LMO1: variants seen among roughly 807,000 people sequenced by gnomAD.
LMO1 encodes rhombotin-1.
In LMO1, 10 loss-of-function variants were observed where a neutral mutation model predicts 18.0. The observed-to-expected ratio is 0.55, with a 90% CI of 0.34 to 0.94. The LOEUF (loss-of-function observed/expected upper bound fraction) is 0.94. Ranked by LOEUF, LMO1 falls within the 40% of genes least tolerant of loss-of-function variation. The probability of loss-of-function intolerance (pLI) is 0.02; values close to 1 mark genes in which losing one functional copy is unlikely to be tolerated. For missense variants in LMO1, 183 were observed against 205.7 expected (o/e 0.89, Z 0.68); for synonymous variants, 77 against 77.9 (o/e 0.99, Z 0.06).
chr11:8,250,744 T>C (rs2134567997), intron 1 of LMO1, among the ~76,000 whole-genome samples: 1 of 152,346 alleles, frequency 6.6e-6, no homozygotes, highest in South Asian at 2.1e-4. Context: ...ATGCAGCCTC[T>C]GCTGGGCACA....
chr11:8,228,980 T>C (rs1288833369), intron 2 of LMO1, among the ~76,000 whole-genome samples: 1 of 152,056 alleles, frequency 6.6e-6, no homozygotes, highest in African/African-American at 2.4e-5. Flanking sequence ...CTCAAACATC[T>C]GGGCTCAAGC....
intron 3 of LMO1, among the ~76,000 whole-genome samples, chr11:8,225,705 T>TAA (rs376885786): frequency 1.3e-3 from 194 of 152,258 alleles, no homozygotes; most frequent in African/African-American, 4.2e-3. Context: ...AAGCCTTTAG[T>TAA]GAGACCCCAA....
chr11:8,240,743 C>T (rs1364354096), intron 1 of LMO1, among the ~76,000 whole-genome samples: 1 of 152,130 alleles, frequency 6.6e-6, no homozygotes, highest in African/African-American at 2.4e-5. Flanking sequence ...ACGGCCCCAT[C>T]TCCTAACACT....
chr11:8,263,504 A>G lies in LMO1; in HGVS notation c.-142T>C. ...TTGTCCGGCTCTTAACCTAGATTGCACTCAGCTAGAATTACATTCAGGAGT... is the reference window on the plus strand; with the variant it reads ...TTGTCCGGCTCTTAACCTAGATTGCGCTCAGCTAGAATTACATTCAGGAGT... On this transcript the variant is annotated 5_prime_UTR_variant, in exon 1 of 4. Coordinates refer to ENST00000335790, the MANE Select transcript of LMO1 (RefSeq NM_002315.3). 3 of 1,449,520 alleles carry G rather than the reference A, an allele frequency of 2.1e-6. No individual in the cohort carries two copies. The highest frequency in any genetic ancestry group is 1.4e-5 in the South Asian group (1 of 70,514). The allele number at this position is 1,449,520 out of a possible 1,614,324, so 89.8% of individuals were successfully genotyped here. A position where few individuals can be genotyped will look rare whatever the true frequency, so the allele number is the denominator to read the frequency against.
chr11:8,249,891 G>T (rs1167104949), intron 1 of LMO1, among the ~76,000 whole-genome samples: 2 of 152,164 alleles, frequency 1.3e-5, no homozygotes, highest in African/African-American at 2.4e-5. Context: ...ACCAGCAGGG[G>T]CTAGCCCTTA....
chr11:8,265,610 C>A (rs920113900), upstream of LMO1, among the ~76,000 whole-genome samples: 19 of 152,190 alleles, frequency 1.2e-4, no homozygotes, highest in African/African-American at 4.6e-4. Flanking sequence ...TCACCAGCCT[C>A]AGGACTGCGA....
chr11:8,239,518 G>T (rs1309889528), intron 1 of LMO1, among the ~76,000 whole-genome samples: 1 of 152,144 alleles, frequency 6.6e-6, no homozygotes. Flanking sequence ...CTTTGAGAAG[G>T]ACAAAGAAGC....
intron 1 of LMO1, among the ~76,000 whole-genome samples, chr11:8,247,127 T>C (rs1366517069): frequency 1.3e-5 from 2 of 152,250 alleles, no homozygotes; most frequent in Non-Finnish European, 2.9e-5. Context: ...TCAAGGACTA[T>C]GCCCTACCTG....
intron 1 of LMO1, among the ~76,000 whole-genome samples, chr11:8,231,404 A>C (rs1024328847): frequency 9.2e-5 from 14 of 152,204 alleles, no homozygotes; most frequent in Non-Finnish European, 1.8e-4. Context: ...GTGGGCATGA[A>C]GTGACAGAGG....
chr11:8,253,978 T>C (rs750522649), intron 1 of LMO1, among the ~76,000 whole-genome samples: 1 of 152,282 alleles, frequency 6.6e-6, no homozygotes, highest in Non-Finnish European at 1.5e-5. Context: ...AATATTTTGC[T>C]AAACCAAAGT....
intron 1 of LMO1, among the ~76,000 whole-genome samples, chr11:8,254,947 A>G (rs762079045): frequency 6.6e-6 from 1 of 152,196 alleles, no homozygotes; most frequent in Non-Finnish European, 1.5e-5. Context: ...GGGTAATAGT[A>G]GCTTCTTCCT....
chr11:8,235,110 C>T (rs1952739595), intron 1 of LMO1, among the ~76,000 whole-genome samples: 1 of 151,942 alleles, frequency 6.6e-6, no homozygotes, highest in Non-Finnish European at 1.5e-5. Flanking sequence ...GTGCCCAGGG[C>T]ACAGTGAACA....
intron 2 of LMO1, among the ~76,000 whole-genome samples, 189 bp downstream of exon 2, chr11:8,230,102 C>T (rs543062881): frequency 2.0e-5 from 3 of 152,322 alleles, no homozygotes; most frequent in South Asian, 2.1e-4. Flanking sequence ...AAGGGCATAA[C>T]GACCTGGGCC....
chr11:8,226,754 C>T, intron 3 of LMO1: 6 of 735,206 alleles, frequency 8.2e-6, no homozygotes, highest in East Asian at 6.1e-5. Context: ...ATGTGCCACA[C>T]AGATGTGCAC....
At chr11:8,266,235 G>A (rs1238214900), upstream of LMO1, among the ~76,000 whole-genome samples, 1 of 152,190 alleles carries the variant, frequency 6.6e-6, no homozygotes, top group Non-Finnish European at 1.5e-5. Context: ...TGGAGGGTTT[G>A]GGTGGCTTGA....
At chr11:8,224,985 T>G (rs1952507264) in intron 3 of LMO1, among the ~76,000 whole-genome samples, 1 of 152,068 alleles carries the variant, frequency 6.6e-6, no homozygotes, top group Admixed American at 6.5e-5. Context: ...GCTTCCATAG[T>G]CAGGTCTCCT....
intron 1 of LMO1, among the ~76,000 whole-genome samples, chr11:8,256,329 G>A (rs950339364): frequency 3.9e-5 from 6 of 152,230 alleles, no homozygotes; most frequent in African/African-American, 7.2e-5. Flanking sequence ...TTGTAGGGAT[G>A]AGAAAACTGA....
At chr11:8,233,287 C>A (rs1952702076) in intron 1 of LMO1, among the ~76,000 whole-genome samples, 1 of 152,192 alleles carries the variant, frequency 6.6e-6, no homozygotes, top group African/African-American at 2.4e-5. Context: ...ACGAGAAAGG[C>A]TGGCATCCTG....
At chr11:8,237,918 G>A (rs1952789824) in intron 1 of LMO1, among the ~76,000 whole-genome samples, 1 of 152,244 alleles carries the variant, frequency 6.6e-6, no homozygotes, top group African/African-American at 2.4e-5. Context: ...CCTGCTAAAT[G>A]AGGACAGCCT....
Sources: gnomAD v4.1 joint callset for allele counts (sites outside exome capture counted in the v4.1 genomes callset) on GRCh38, gnomAD v4.1.1 for gene constraint, MANE v1.5 for transcripts, NCBI Gene and HGNC (gene_info 2026-07-23, HGNC 2026-07-21) for gene names.